Variants in FGD3 observed in about 807,000 individuals in gnomAD.
The protein encoded by FGD3 is FYVE, RhoGEF and PH domain-containing protein 3.
In FGD3, 45 loss-of-function variants were observed where a neutral mutation model predicts 71.8. The observed-to-expected ratio is 0.63, with a 90% CI of 0.49 to 0.80. FGD3 has a LOEUF of 0.80. Among genes scored for constraint, FGD3 ranks in the 30% least tolerant of loss-of-function variants. FGD3 has a pLI of 0.00. For synonymous variants in FGD3, 378 were observed against 392.8 expected (o/e 0.96, Z 0.44); for missense variants, 844 against 951.5 (o/e 0.89, Z 1.49).
rs398011497 is a variant in FGD3 at position 93,014,532 on chromosome 9, T to TA, written c.1182+536dup. On this transcript the variant is annotated intron_variant, in intron 9 of 17. Transcript: ENST00000375482. ...ATTATTTCTTTGAAAGGTTTTTTTT[T>TA]AAGTTTTTAAAAATTACGTTAACTA... 3.9e-5 allele frequency among the ~76,000 whole-genome samples: 6 copies of TA among 152,184 alleles called. No homozygotes were observed. In the East Asian group the frequency reaches 1.2e-3, roughly 29 times the overall value.
chr9:93,035,468 C>T lies in FGD3; in HGVS notation c.2057C>T (p.Ser686Phe), dbSNP rs1333028017. The T allele has an allele frequency of 6.2e-7, 1 of 1,613,580 alleles. No individual in the cohort carries two copies. Among genetic ancestry groups the T allele is most frequent in the Non-Finnish European group, 8.5e-7 (1 of 1,179,960 alleles). Residue 686 changes from serine (S) to phenylalanine (F), a missense_variant, in exon 18 of 18, where the codon TCC becomes TTC. Ser to Phe is a radical substitution (Grantham distance 155, BLOSUM62 -2). Coordinates refer to ENST00000375482, the MANE Select transcript of FGD3 (RefSeq NM_001083536.2). Reference protein sequence around the residue: ...WAKQSWYLSASSAELQQQWLE... With the variant: ...WAKQSWYLSAFSAELQQQWLE... ...AAGCAGTCCTGGTACCTGAGCGCCT[C>T]CTCCGCAGAGCTGCAGCAGCAGTGG...
chr9:93,024,227 A>G (rs1200867370), intron 14 of FGD3, among the ~76,000 whole-genome samples: 2 of 152,208 alleles, frequency 1.3e-5, no homozygotes, highest in African/African-American at 2.4e-5. Flanking sequence ...ATGTGTACTC[A>G]TAGTGTGAGT....
At chr9:92,957,323 A>T (rs1479498473) in intron 1 of FGD3, among the ~76,000 whole-genome samples, 1 of 152,200 alleles carries the variant, frequency 6.6e-6, no homozygotes, top group Admixed American at 6.5e-5. Flanking sequence ...CACCAGCATG[A>T]GAGTTTCACA....
chr9:93,002,770 G>A (rs1353727185), intron 3 of FGD3, among the ~76,000 whole-genome samples, 155 bp from the exon 4 acceptor site: 8 of 152,150 alleles, frequency 5.3e-5, no homozygotes, highest in Non-Finnish European at 8.8e-5. Flanking sequence ...GCACCACATC[G>A]CCATCACAGT....
At chr9:92,959,498 G>A (rs1489436931) in intron 1 of FGD3, among the ~76,000 whole-genome samples, 1 of 151,716 alleles carries the variant, frequency 6.6e-6, no homozygotes, top group African/African-American at 2.4e-5. Context: ...GCTTGAGCCT[G>A]GGAGTTCAAG....
chr9:93,031,226 G>A (rs563125448), intron 15 of FGD3, among the ~76,000 whole-genome samples: 1 of 152,104 alleles, frequency 6.6e-6, no homozygotes, highest in Non-Finnish European at 1.5e-5. Flanking sequence ...TAGAATTGGG[G>A]GATTTAACTC....
intron 3 of FGD3, among the ~76,000 whole-genome samples, chr9:92,978,937 A>G (rs957758572): frequency 6.6e-6 from 1 of 150,504 alleles, no homozygotes; most frequent in Non-Finnish European, 1.5e-5. Flanking sequence ...CCAAGCACCA[A>G]CTGATTTTTT....
At chr9:92,985,079 AAGC>A (rs1191260314) in intron 3 of FGD3, among the ~76,000 whole-genome samples, 1 of 152,220 alleles carries the variant, frequency 6.6e-6, no homozygotes, top group Non-Finnish European at 1.5e-5. Flanking sequence ...TCAGCCTTCA[AAGC>A]AGTCCCGTTT....
intron 14 of FGD3, among the ~76,000 whole-genome samples, chr9:93,025,357 GGA>G (rs1862078577): frequency 6.6e-6 from 1 of 152,234 alleles, no homozygotes; most frequent in South Asian, 2.1e-4. Context: ...TACGAACAGT[GGA>G]TGTGGCCTGG....
At chr9:92,949,977 C>G (rs1858924042) in intron 1 of FGD3, among the ~76,000 whole-genome samples, 1 of 152,136 alleles carries the variant, frequency 6.6e-6, no homozygotes. Context: ...CTGTTTTCTC[C>G]TTTTCCTCCT....
intron 3 of FGD3, among the ~76,000 whole-genome samples, chr9:92,981,393 A>T (rs1419144066): frequency 6.6e-6 from 1 of 151,880 alleles, no homozygotes; most frequent in Non-Finnish European, 1.5e-5. Flanking sequence ...AAGAAAAAAA[A>T]GAAAGAAAAA....
At chr9:92,950,831 A>T (rs1858940848) in intron 1 of FGD3, among the ~76,000 whole-genome samples, 1 of 152,198 alleles carries the variant, frequency 6.6e-6, no homozygotes, top group Admixed American at 6.5e-5. Context: ...CCCCTAAGTG[A>T]CCTGGGGACG....
At chr9:93,022,452 T>C (rs757810458) in intron 14 of FGD3, 63 bp downstream of exon 14, 51 of 1,563,988 alleles carry the variant, frequency 3.3e-5, no homozygotes, top group Non-Finnish European at 4.2e-5. Context: ...CAGACCAGGA[T>C]GACCTATAGG....
At position 92,976,720 on chromosome 9, in the gene FGD3, C is replaced by G. The variant is rs1859775004; in HGVS notation, c.453+11C>G. 4 of 1,551,780 alleles carry G rather than the reference C, an allele frequency of 2.6e-6. No homozygotes were observed. Among genetic ancestry groups the G allele is most frequent in the Non-Finnish European group, 3.5e-6 (4 of 1,148,782 alleles). ...GCCGGCCTGGCCCAGGTAGGCTTCC[C>G]CTTCTCTGTCCCCGCTGCGGGCTGC... is the stretch of plus-strand genomic sequence containing the variant. On this transcript the variant is annotated intron_variant, in intron 3 of 17. Coordinates refer to ENST00000375482, the MANE Select transcript of FGD3 (RefSeq NM_001083536.2).
At chr9:92,994,436 T>C (rs532588111) in intron 3 of FGD3, among the ~76,000 whole-genome samples, 34 of 152,344 alleles carry the variant, frequency 2.2e-4, no homozygotes, top group South Asian at 1.2e-3. Flanking sequence ...ACTCTGATGG[T>C]AGTTTCTTTT....
rs1862401760 is a variant in FGD3 at position 93,032,713 on chromosome 9, C to T, written c.1681-56C>T. Reference sequence around the variant, plus strand: ...CCCACTCTACCTCCTCTGGCATCTTCCTGGATAATCCTCTGTCCCAGGGTG... The same window carrying T: ...CCCACTCTACCTCCTCTGGCATCTTTCTGGATAATCCTCTGTCCCAGGGTG... On this transcript the variant is annotated intron_variant, in intron 15 of 17. Coordinates refer to ENST00000375482, the MANE Select transcript of FGD3 (RefSeq NM_001083536.2). 38 of 1,553,534 alleles carry T rather than the reference C, an allele frequency of 2.4e-5. No individual in the cohort carries two copies. The South Asian group carries it at 4.0e-4, about 17-fold the overall frequency.
intron 13 of FGD3, among the ~76,000 whole-genome samples, chr9:93,020,815 C>T (rs941013669): frequency 1.3e-4 from 20 of 152,204 alleles, no homozygotes; most frequent in African/African-American, 4.3e-4. Context: ...AGTCGGCCAC[C>T]TTTCCATGGC....
chr9:93,017,504 G>C (rs563495237), intron 10 of FGD3, among the ~76,000 whole-genome samples: 2 of 151,850 alleles, frequency 1.3e-5, no homozygotes, highest in African/African-American at 2.4e-5. Context: ...CTACCCCACT[G>C]CAATGAGACA....
chr9:92,987,985 A>G (rs760411676), intron 3 of FGD3, among the ~76,000 whole-genome samples: 5 of 152,092 alleles, frequency 3.3e-5, no homozygotes, highest in Non-Finnish European at 5.9e-5. Context: ...ACCAGTTATT[A>G]TTTTAAAGAG....
Sources: gnomAD v4.1 joint callset for allele counts (sites outside exome capture counted in the v4.1 genomes callset) on GRCh38, gnomAD v4.1.1 for gene constraint, MANE v1.5 for transcripts, NCBI Gene and HGNC (gene_info 2026-07-23, HGNC 2026-07-21) for gene names.